Variants in MCTP2 observed in about 807,000 individuals in gnomAD.
MCTP2 encodes multiple C2 and transmembrane domain containing 2.
In MCTP2, 132 loss-of-function variants were observed where a neutral mutation model predicts 111.6. The observed-to-expected ratio is 1.18, with a 90% CI of 1.03 to 1.37. The LOEUF (loss-of-function observed/expected upper bound fraction) is 1.37. Among genes scored for constraint, MCTP2 ranks in the 40% most tolerant of loss-of-function variants. The pLI, the probability that MCTP2 is intolerant of heterozygous loss-of-function variation, is 0.00. For synonymous variants in MCTP2, 395 were observed against 387.7 expected, an observed-to-expected ratio of 1.02 and a Z score of -0.22; for missense variants, 1,183 against 1,067.9, an observed-to-expected ratio of 1.11 and a Z score of -1.50.
chr15:94,385,359 G>C, intron 13 of MCTP2, 64 bp from the exon 14 acceptor site: 3 of 1,089,522 alleles, frequency 2.8e-6, no homozygotes, highest in Non-Finnish European at 4.2e-6. Flanking sequence ...AGTGTTTCCA[G>C]ATCTTCATGG....
chr15:94,421,254 A>G (rs763192164), intron 17 of MCTP2, among the ~76,000 whole-genome samples: 1 of 152,104 alleles, frequency 6.6e-6, no homozygotes, highest in Non-Finnish European at 1.5e-5. Context: ...AATCTTTATT[A>G]TGTACTGGGA....
intron 1 of MCTP2, among the ~76,000 whole-genome samples, chr15:94,251,500 A>C (rs1277807324): frequency 6.6e-6 from 1 of 151,772 alleles, no homozygotes; most frequent in Non-Finnish European, 1.5e-5. Flanking sequence ...CTAGGATTAC[A>C]GGTGCCCGCC....
Position 94,243,385 on chromosome 15 carries a change from G to A in MCTP2, c.-66+11721G>A, listed in dbSNP as rs1338347303. On this transcript the variant is annotated intron_variant, in intron 1 of 22. Transcript: ENST00000357742. ...CGTATATGCGTATGTACATACATAC[G>A]TATGCGTATATGCGTATGTACATAC... is the stretch of plus-strand genomic sequence containing the variant. Among the ~76,000 whole-genome samples the A allele has an allele frequency of 2.8e-5, 4 of 143,962 alleles. 1 individual carries two copies. Among genetic ancestry groups the A allele is most frequent in the Non-Finnish European group, 4.6e-5 (3 of 65,774 alleles). The allele number at this position is 143,962 out of a possible 152,430, so 94.4% of individuals were successfully genotyped here. A position where few individuals can be genotyped will look rare whatever the true frequency, so the allele number is the denominator to read the frequency against.
chr15:94,350,864 G>A (rs1174429083), intron 8 of MCTP2, among the ~76,000 whole-genome samples: 1 of 152,006 alleles, frequency 6.6e-6, no homozygotes, highest in African/African-American at 2.4e-5. Flanking sequence ...CCTTGTTGTT[G>A]TGTTGTTTTA....
chr15:94,286,867 A>G (rs1567332317), intron 1 of MCTP2, among the ~76,000 whole-genome samples: 1 of 152,170 alleles, frequency 6.6e-6, no homozygotes, highest in Non-Finnish European at 1.5e-5. Context: ...GGGAAAATGC[A>G]TATTTTTGTT....
chr15:94,476,067 A>G (rs1036677761), intron 21 of MCTP2, among the ~76,000 whole-genome samples: 3 of 152,226 alleles, frequency 2.0e-5, no homozygotes, highest in African/African-American at 7.2e-5. Flanking sequence ...CTGCAGCATC[A>G]AAGTACAATC....
chr15:94,463,968 T>C (rs1005634784), intron 20 of MCTP2, among the ~76,000 whole-genome samples: 4 of 151,780 alleles, frequency 2.6e-5, no homozygotes, highest in African/African-American at 9.7e-5. Flanking sequence ...GGCTGGATTT[T>C]ATTTACTTGT....
chr15:94,263,781 A>C (rs1385597746), intron 1 of MCTP2, among the ~76,000 whole-genome samples: 1 of 152,220 alleles, frequency 6.6e-6, no homozygotes, highest in Non-Finnish European at 1.5e-5. Flanking sequence ...AGAGTGATTC[A>C]CATTTTTTTG....
At chr15:94,417,986 A>G (rs929247981) in intron 17 of MCTP2, among the ~76,000 whole-genome samples, 1 of 152,124 alleles carries the variant, frequency 6.6e-6, no homozygotes, top group Non-Finnish European at 1.5e-5. Context: ...GAGTAACTTA[A>G]TACAGCGAAC....
At chr15:94,282,664 G>A (rs2074547897) in intron 1 of MCTP2, among the ~76,000 whole-genome samples, 1 of 152,192 alleles carries the variant, frequency 6.6e-6, no homozygotes, top group Non-Finnish European at 1.5e-5. Flanking sequence ...TCATCTGTAT[G>A]GGCTGATGTT....
chr15:94,400,078 TC>T (rs2081489719), intron 16 of MCTP2, 83 bp downstream of exon 16: 3 of 1,218,052 alleles, frequency 2.5e-6, no homozygotes, highest in East Asian at 4.7e-5. Context: ...TGTAATTTCT[TC>T]CTTGAAACTT....
intron 1 of MCTP2, among the ~76,000 whole-genome samples, chr15:94,240,175 A>G (rs547590787): frequency 6.6e-6 from 1 of 152,054 alleles, no homozygotes; most frequent in African/African-American, 2.4e-5. Flanking sequence ...TAGCTACCTG[A>G]TATTTCGGAG....
At chr15:94,279,022 T>G (rs1046762943) in intron 1 of MCTP2, among the ~76,000 whole-genome samples, 10 of 152,296 alleles carry the variant, frequency 6.6e-5, no homozygotes, top group African/African-American at 2.4e-4. Context: ...TGCTATAGCC[T>G]TGCAGTATAG....
At chr15:94,465,926 A>G (rs570739009) in intron 20 of MCTP2, among the ~76,000 whole-genome samples, 11 of 152,084 alleles carry the variant, frequency 7.2e-5, no homozygotes, top group South Asian at 2.1e-4. Context: ...TTCTTAATCT[A>G]TGTTCCACAT....
At chr15:94,391,761 G>A (rs2080989799) in intron 14 of MCTP2, among the ~76,000 whole-genome samples, 1 of 152,202 alleles carries the variant, frequency 6.6e-6, no homozygotes, top group Admixed American at 6.5e-5. Flanking sequence ...TGAACCCCAT[G>A]TAGTAGACAG....
intron 17 of MCTP2, among the ~76,000 whole-genome samples, chr15:94,432,171 G>T (rs2083224434): frequency 6.6e-6 from 1 of 152,126 alleles, no homozygotes; most frequent in East Asian, 1.9e-4. Flanking sequence ...AGTTTAGTAA[G>T]GTTGGAGAGT....
chr15:94,339,186 G>A (rs1418864260), intron 4 of MCTP2, 104 bp from the exon 5 acceptor site: 3 of 779,992 alleles, frequency 3.8e-6, no homozygotes, highest in Non-Finnish European at 5.9e-6. Flanking sequence ...CTCTGTGCAG[G>A]GAGACATTAG....
intron 1 of MCTP2, among the ~76,000 whole-genome samples, chr15:94,280,220 C>T (rs1567322343): frequency 2.0e-5 from 3 of 151,954 alleles, no homozygotes; most frequent in Admixed American, 1.3e-4. Flanking sequence ...TTTTCTATTC[C>T]AGGGCTTTTC....
At chr15:94,326,695 G>C (rs1268294319) in intron 4 of MCTP2, among the ~76,000 whole-genome samples, 2 of 151,818 alleles carry the variant, frequency 1.3e-5, no homozygotes, top group South Asian at 2.1e-4. Context: ...AGCCTCCTGA[G>C]TAGCTGGGAT....
Sources: allele counts gnomAD v4.1 joint callset (sites outside exome capture counted in the v4.1 genomes callset), GRCh38; gene constraint gnomAD v4.1.1; transcripts MANE v1.5; gene names NCBI Gene and HGNC (gene_info 2026-07-23, HGNC 2026-07-21).